Variants in EDIL3 observed in about 807,000 individuals in gnomAD.
EDIL3 encodes EGF-like repeat and discoidin I-like domain-containing protein 3.
Under a neutral mutation model 67.4 loss-of-function variants are expected in EDIL3, and 37 were observed. The observed-to-expected ratio is 0.55, with a 90% confidence interval of 0.42 to 0.72. The LOEUF is 0.72. Ranked by LOEUF, EDIL3 falls within the 30% of genes least tolerant of loss-of-function variation. The probability of loss-of-function intolerance (pLI) is 0.00; values close to 1 mark genes in which losing one functional copy is unlikely to be tolerated. For missense variants in EDIL3, 527 were observed against 586.3 expected (o/e 0.90, Z 1.04); for synonymous variants, 195 against 196.3 (o/e 0.99, Z 0.05).
intron 6 of EDIL3, among the ~76,000 whole-genome samples, chr5:84,077,029 A>AATAGAATTAGTT (rs1197880534): frequency 6.6e-6 from 1 of 152,248 alleles, no homozygotes; most frequent in Non-Finnish European, 1.5e-5. Context: ...TTAATAAAAT[A>AATAGAATTAGTT]ATAGAATTAG....
chr5:83,992,377 T>C (rs1745167212), intron 9 of EDIL3, among the ~76,000 whole-genome samples: 1 of 152,186 alleles, frequency 6.6e-6, no homozygotes, highest in African/African-American at 2.4e-5. Flanking sequence ...TTAGACAATA[T>C]ACTTCATGGA....
intron 9 of EDIL3, among the ~76,000 whole-genome samples, chr5:83,998,572 G>A (rs1428347440): frequency 1.3e-5 from 2 of 152,112 alleles, no homozygotes; most frequent in African/African-American, 4.8e-5. Context: ...AGAGTGAAAA[G>A]CACTTTGTCT....
intron 3 of EDIL3, among the ~76,000 whole-genome samples, chr5:84,204,577 A>G (rs1483142732): frequency 6.6e-6 from 1 of 152,058 alleles, no homozygotes; most frequent in South Asian, 2.1e-4. Flanking sequence ...GCACTATCCA[A>G]TTATTTTCCA....
intron 1 of EDIL3, among the ~76,000 whole-genome samples, chr5:84,351,450 CA>C (rs1747360275): frequency 6.6e-6 from 1 of 152,158 alleles, no homozygotes. Context: ...CCAAGCAAAA[CA>C]GTGAATTGGG....
intron 1 of EDIL3, among the ~76,000 whole-genome samples, chr5:84,375,301 G>T (rs1415952768): frequency 1.3e-5 from 2 of 151,822 alleles, no homozygotes; most frequent in African/African-American, 2.4e-5. Context: ...GTGTGAAAAT[G>T]GAATAATACA....
chr5:84,316,455 C>G (rs1256144308), intron 1 of EDIL3, among the ~76,000 whole-genome samples: 1 of 152,106 alleles, frequency 6.6e-6, no homozygotes, highest in Non-Finnish European at 1.5e-5. Context: ...GCGGGGGTTG[C>G]AATCCTAGTC....
chr5:84,347,001 C>T (rs982966314), intron 1 of EDIL3, among the ~76,000 whole-genome samples: 9 of 152,060 alleles, frequency 5.9e-5, no homozygotes, highest in Admixed American at 3.3e-4. Flanking sequence ...TTTTTTTCTG[C>T]CTCTTGCATG....
chr5:84,013,885 T>C (rs998019859), intron 9 of EDIL3, among the ~76,000 whole-genome samples: 3 of 152,136 alleles, frequency 2.0e-5, no homozygotes, highest in Admixed American at 6.6e-5. Flanking sequence ...GGTTGAAAAG[T>C]TGGTCATCCA....
intron 9 of EDIL3, among the ~76,000 whole-genome samples, chr5:84,042,474 G>T (rs1251635727): frequency 6.6e-6 from 1 of 152,044 alleles, no homozygotes; most frequent in Non-Finnish European, 1.5e-5. Flanking sequence ...TAGACATGGG[G>T]TTTCACCACA....
intron 1 of EDIL3, among the ~76,000 whole-genome samples, chr5:84,354,138 G>A (rs891529106): frequency 2.6e-5 from 4 of 152,128 alleles, no homozygotes; most frequent in African/African-American, 7.2e-5. Flanking sequence ...TTAGAACACA[G>A]TAAGAGTGCA....
chr5:84,083,672 G>T (rs1022728918), intron 6 of EDIL3, among the ~76,000 whole-genome samples: 6 of 151,634 alleles, frequency 4.0e-5, no homozygotes, highest in African/African-American at 1.5e-4. Context: ...CAACTCACAG[G>T]GTTATCTGAG....
intron 1 of EDIL3, among the ~76,000 whole-genome samples, chr5:84,279,041 T>G (rs1745642755): frequency 1.3e-5 from 2 of 152,190 alleles, no homozygotes; most frequent in Non-Finnish European, 2.9e-5. Context: ...ATTCTTAAAT[T>G]AGTAGACTTA....
At chr5:83,997,231 C>T (rs180806113) in intron 9 of EDIL3, among the ~76,000 whole-genome samples, 28 of 152,100 alleles carry the variant, frequency 1.8e-4, no homozygotes, top group African/African-American at 5.8e-4. Context: ...TTAATAGAAC[C>T]AATTTTGTAT....
intron 1 of EDIL3, among the ~76,000 whole-genome samples, chr5:84,273,583 T>G (rs545549820): frequency 1.4e-4 from 22 of 152,238 alleles, no homozygotes; most frequent in Non-Finnish European, 2.1e-4. Context: ...ACTTAGGTCT[T>G]AAATAAACCC....
intron 9 of EDIL3, among the ~76,000 whole-genome samples, chr5:84,059,514 G>A (rs899622309): frequency 6.6e-6 from 1 of 152,066 alleles, no homozygotes; most frequent in African/African-American, 2.4e-5. Context: ...TGATAGGGGT[G>A]GAATTTGCTA....
intron 2 of EDIL3, among the ~76,000 whole-genome samples, chr5:84,242,186 C>A (rs894628429): frequency 1.6e-4 from 24 of 151,134 alleles, no homozygotes; most frequent in Non-Finnish European, 2.8e-4. Flanking sequence ...GAGCCGAGAT[C>A]ACGCCACTGC....
chr5:84,258,680 A>G (rs932232322), intron 1 of EDIL3, among the ~76,000 whole-genome samples: 5 of 152,104 alleles, frequency 3.3e-5, no homozygotes, highest in African/African-American at 1.2e-4. Flanking sequence ...AATGAGTTAT[A>G]CGGTTACTTA....
At chr5:84,219,729 T>A (rs189171811) in intron 3 of EDIL3, among the ~76,000 whole-genome samples, 120 of 152,266 alleles carry the variant, frequency 7.9e-4, no homozygotes, top group African/African-American at 2.9e-3. Context: ...CATCTACAGA[T>A]GAATGGATTT....
Position 84,384,429 on chromosome 5 carries a change from T to A in EDIL3, c.-55A>T, listed in dbSNP as rs1748179760. 6.3e-7 allele frequency: 1 copy of A among 1,595,194 alleles called. No homozygotes were observed. Among genetic ancestry groups the A allele is most frequent in the Non-Finnish European group, 8.6e-7 (1 of 1,165,702 alleles). ...GGTCAGGGGTCGTCGCGGAGGGCAG[T>A]GTAGCCGAGGTGGCAGCGCAGGGCA... On this transcript the variant is annotated 5_prime_UTR_variant, in exon 1 of 11. Transcript: ENST00000296591.
Sources: gnomAD v4.1 joint callset for allele counts (sites outside exome capture counted in the v4.1 genomes callset) on GRCh38, gnomAD v4.1.1 for gene constraint, MANE v1.5 for transcripts, NCBI Gene and HGNC (gene_info 2026-07-23, HGNC 2026-07-21) for gene names.